FAAP20: variants seen among roughly 807,000 people sequenced by gnomAD.
FAAP20 encodes FA core complex associated protein 20.
Under a neutral mutation model 16.2 loss-of-function variants are expected in FAAP20, and 12 were observed. The observed-to-expected ratio is 0.74, with a 90% confidence interval of 0.48 to 1.20. The LOEUF (loss-of-function observed/expected upper bound fraction) is 1.20. FAAP20 is among the 50% of genes most tolerant of loss of function. The pLI is 0.00. For synonymous variants in FAAP20, 141 were observed against 110.7 expected (o/e 1.27, Z -1.72); for missense variants, 288 against 245.8 (o/e 1.17, Z -1.15).
upstream of FAAP20, chr1:2,198,817 C>G: frequency 7.8e-7 from 1 of 1,289,732 alleles, no homozygotes; most frequent in Non-Finnish European, 1.0e-6. Context: ...CTGGGCTGTG[C>G]TCCACCACAC....
chr1:2,203,960 C>CGGG (rs1241823867), upstream of FAAP20: 1 of 152,326 alleles, frequency 6.6e-6, no homozygotes, highest in Non-Finnish European at 1.5e-5. Context: ...ACCCACTGAC[C>CGGG]TCCCACTGGG....
chr1:2,203,507 G>C, upstream of FAAP20: 1 of 985,304 alleles, frequency 1.0e-6, no homozygotes, highest in Non-Finnish European at 1.2e-6. Flanking sequence ...GCCTGGCGCT[G>C]ACCTGTGCAC....
upstream of FAAP20, chr1:2,198,133 C>T (rs527329841): frequency 3.3e-4 from 430 of 1,290,400 alleles, no homozygotes; most frequent in Non-Finnish European, 4.2e-4. Flanking sequence ...GCTGTGGTGA[C>T]GGAGTTTTGC....
upstream of FAAP20, chr1:2,199,421 G>A: frequency 2.0e-6 from 2 of 1,011,702 alleles, no homozygotes; most frequent in South Asian, 7.6e-5. This position sits in a 1 kb window ranked among gnomAD's most constrained non-coding sequence, Gnocchi z 4.5. Context: ...GCCCAGCCCA[G>A]GCTTCTCTCT....
intron 3 of FAAP20, chr1:2,193,021 A>G (rs1016808675): frequency 2.3e-6 from 3 of 1,301,880 alleles, no homozygotes; most frequent in African/African-American, 1.5e-5. Flanking sequence ...CCTGGTCTCC[A>G]TAAGCTCTGA....
downstream of FAAP20, chr1:2,184,543 G>T (rs377346377): frequency 4.0e-6 from 6 of 1,500,802 alleles, no homozygotes; most frequent in Non-Finnish European, 3.7e-6. Flanking sequence ...TAGGGATGAT[G>T]CCCGCGCGGA....
chr1:2,210,160 G>A (rs898306434), downstream of FAAP20, among the ~76,000 whole-genome samples: 12 of 152,138 alleles, frequency 7.9e-5, no homozygotes, highest in Non-Finnish European at 1.5e-4. Context: ...TGCCTGCCTC[G>A]TGCCCAGACC....
chr1:2,185,205 A>C (rs1410889504), downstream of FAAP20: 1 of 706,978 alleles, frequency 1.4e-6, no homozygotes, highest in East Asian at 2.7e-5. Flanking sequence ...CGGGCAGGCC[A>C]GCTTCGTGCT....
chr1:2,210,491 G>T (rs574325705), downstream of FAAP20, among the ~76,000 whole-genome samples: 18 of 152,268 alleles, frequency 1.2e-4, no homozygotes, highest in African/African-American at 4.3e-4. Flanking sequence ...GAGGCCAGGT[G>T]GGGGTGGGGC....
intron 3 of FAAP20, 109 bp downstream of exon 3, chr1:2,193,530 A>T: frequency 6.7e-7 from 1 of 1,481,812 alleles, no homozygotes; most frequent in Non-Finnish European, 9.0e-7. Context: ...AGTGTGAAAC[A>T]GGGCTTTAAA....
At chr1:2,188,930 G>A (rs924205088), downstream of FAAP20, among the ~76,000 whole-genome samples, 113 of 151,850 alleles carry the variant, frequency 7.4e-4, no homozygotes, top group Non-Finnish European at 1.2e-3. Flanking sequence ...GCGTGAACCC[G>A]GGAGGCGGAG....
At chr1:2,200,899 C>T (rs1325469194), upstream of FAAP20, 2 of 1,118,704 alleles carry the variant, frequency 1.8e-6, no homozygotes, top group Non-Finnish European at 2.2e-6. Flanking sequence ...CCTCGGGAGT[C>T]CCCAGGGAAG....
chr1:2,190,623 C>T lies in FAAP20; in HGVS notation c.471-842G>A, dbSNP rs567973770. ...CGGAGAGTGCCGGAGCTGGCGTGCT[C>T]AGCAGAGCTGCCGGGGACGATGTCC... On this transcript the variant is annotated intron_variant, in intron 3 of 3. Coordinates refer to ENST00000378546, the MANE Select transcript of FAAP20 (RefSeq NM_182533.4). 108 of 351,192 alleles carry T rather than the reference C, an allele frequency of 3.1e-4. 2 individuals are homozygous for T. The highest frequency in any genetic ancestry group is 2.0e-3 in the South Asian group (97 of 47,862). 21.8% of individuals were successfully genotyped at this position (351,192 alleles called of 1,614,324 possible).
chr1:2,207,239 C>T (rs988032771), downstream of FAAP20, among the ~76,000 whole-genome samples: 2 of 152,054 alleles, frequency 1.3e-5, no homozygotes, highest in African/African-American at 4.8e-5. Context: ...GGCAGGCCCA[C>T]ATGGCCTGTG....
Position 2,194,757 on chromosome 1 carries a change from C to T in FAAP20, c.-8G>A, listed in dbSNP as rs1288863096. 5 of 1,180,584 alleles carry T rather than the reference C, an allele frequency of 4.2e-6. No individual in the cohort carries two copies. The highest frequency in any genetic ancestry group is 4.1e-5 in the South Asian group (1 of 24,516). The allele number at this position is 1,180,584 out of a possible 1,614,324, so 73.1% of individuals were successfully genotyped here. On this transcript the variant is annotated 5_prime_UTR_variant, in exon 1 of 4. Transcript: ENST00000378546. Reference sequence around the variant, plus strand: ...CCTCCGCGCCGCCTCCATCCAAGCCCGCGCCGGGCGGAAGTGAGCGCAAGC... The same window carrying T: ...CCTCCGCGCCGCCTCCATCCAAGCCTGCGCCGGGCGGAAGTGAGCGCAAGC...
chr1:2,208,375 C>T (rs867648338), downstream of FAAP20, among the ~76,000 whole-genome samples: 1 of 152,214 alleles, frequency 6.6e-6, no homozygotes, highest in Non-Finnish European at 1.5e-5. Context: ...TCTCTGCCCC[C>T]CTCCTGGCAA....
At chr1:2,192,357 G>A in intron 3 of FAAP20, 1 of 994,928 alleles carries the variant, frequency 1.0e-6, no homozygotes, top group Non-Finnish European at 1.2e-6. Context: ...ACCAAGGCCT[G>A]GACCTGACTT....
upstream of FAAP20, among the ~76,000 whole-genome samples, chr1:2,202,974 C>G (rs527385356): frequency 2.0e-5 from 3 of 152,282 alleles, no homozygotes; most frequent in South Asian, 6.2e-4. Flanking sequence ...CCCTGGGGTC[C>G]ATCCTGCAGT....
upstream of FAAP20, among the ~76,000 whole-genome samples, chr1:2,195,958 G>A (rs944404186): frequency 2.6e-5 from 4 of 152,170 alleles, no homozygotes; most frequent in African/African-American, 4.8e-5. Flanking sequence ...AGTGCTGCCC[G>A]GGCAGGGGGA....
Sources: gnomAD v4.1 joint callset for allele counts (sites outside exome capture counted in the v4.1 genomes callset) on GRCh38, gnomAD v4.1.1 for gene constraint, Gnocchi (gnomAD v3.1) non-coding constraint, MANE v1.5 for transcripts, NCBI Gene and HGNC (gene_info 2026-07-23, HGNC 2026-07-21) for gene names.